The following TMEM131L variants were observed in gnomAD, a reference collection of about 807,000 sequenced individuals.
TMEM131L encodes the protein transmembrane protein 131-like.
Under a neutral mutation model 192.2 loss-of-function variants are expected in TMEM131L, and 54 were observed. The observed-to-expected ratio is 0.28, with a 90% confidence interval of 0.23 to 0.35. The LOEUF (loss-of-function observed/expected upper bound fraction) is 0.35. TMEM131L is among the 10% of genes least tolerant of loss of function. The pLI, the probability that TMEM131L is intolerant of heterozygous loss-of-function variation, is 1.00. For synonymous variants in TMEM131L, 701 were observed against 704.9 expected (o/e 0.99, Z 0.09); for missense variants, 1,888 against 1,972.9 (o/e 0.96, Z 0.82).
At chr4:153,482,105 A>T (rs1005956253) in intron 3 of TMEM131L, among the ~76,000 whole-genome samples, 1 of 152,270 alleles carries the variant, frequency 6.6e-6, no homozygotes, top group South Asian at 2.1e-4. Context: ...CGGCCTCCCA[A>T]AGTGCTGGGA....
At chr4:153,578,572 G>A (rs1286388653) in intron 7 of TMEM131L, among the ~76,000 whole-genome samples, 4 of 150,716 alleles carry the variant, frequency 2.7e-5, no homozygotes, top group Middle Eastern at 3.4e-3. Flanking sequence ...CCAGGCTGGA[G>A]TGCAGTGGCG....
intron 7 of TMEM131L, among the ~76,000 whole-genome samples, chr4:153,572,627 G>A (rs917618159): frequency 3.9e-5 from 6 of 152,106 alleles, no homozygotes; most frequent in African/African-American, 1.2e-4. Flanking sequence ...CACCGCACCC[G>A]GCCCAGTTTG....
At chr4:153,626,290 T>A in intron 30 of TMEM131L, 65 bp downstream of exon 30, 1 of 1,032,144 alleles carries the variant, frequency 9.7e-7, no homozygotes, top group Non-Finnish European at 1.5e-6. Flanking sequence ...CCAATTATTG[T>A]GTTTCTTCTT....
intron 26 of TMEM131L, among the ~76,000 whole-genome samples, chr4:153,619,362 G>A (rs1008385991): frequency 3.3e-4 from 50 of 152,206 alleles, no homozygotes; most frequent in African/African-American, 1.2e-3. Flanking sequence ...GTGCATGTCT[G>A]TTTAACATTA....
At position 153,623,083 on chromosome 4, in the gene TMEM131L, G is replaced by A. The variant is rs78974953; in HGVS notation, c.4045G>A (p.Gly1349Arg). The change falls in exon 29 of 35, where the codon GGA becomes AGA. Residue 1349 changes from glycine (G) to arginine (R), a missense_variant and splice_region_variant. Gly to Arg is a moderately radical substitution (Grantham distance 125, BLOSUM62 -2). Transcript: ENST00000409959. ...GGACGCCCAGCACTTCCTGCCGGCCGGTGAGTCCTGAGCAGAGCCCCAGGC... is the reference window on the plus strand; with the variant it reads ...GGACGCCCAGCACTTCCTGCCGGCCAGTGAGTCCTGAGCAGAGCCCCAGGC... ...MVDAQHFLPA[G>R]DSVSQNDFPS... 91 of 1,594,572 alleles carry A rather than the reference G, an allele frequency of 5.7e-5. No individual in the cohort carries two copies. In the East Asian group the frequency reaches 1.1e-3, roughly 20 times the overall value.
intron 26 of TMEM131L, among the ~76,000 whole-genome samples, chr4:153,614,234 G>A (rs1732818240): frequency 1.3e-5 from 2 of 152,208 alleles, no homozygotes; most frequent in Admixed American, 6.5e-5. Context: ...AGGGGTCAGA[G>A]TCCTCCTAGG....
chr4:153,620,482 G>A (rs758981043), intron 26 of TMEM131L, among the ~76,000 whole-genome samples: 24 of 152,232 alleles, frequency 1.6e-4, no homozygotes, highest in Non-Finnish European at 2.8e-4. Context: ...AAAGTTAACA[G>A]CAAGCTGGTC....
At chr4:153,557,851 A>G (rs1335156128) in intron 6 of TMEM131L, among the ~76,000 whole-genome samples, 1 of 152,142 alleles carries the variant, frequency 6.6e-6, no homozygotes, top group Non-Finnish European at 1.5e-5. Context: ...CCCAGGCTGG[A>G]GTGCAGTGGT....
intron 7 of TMEM131L, among the ~76,000 whole-genome samples, chr4:153,576,359 C>G (rs1192014670): frequency 6.6e-6 from 1 of 152,040 alleles, no homozygotes; most frequent in Non-Finnish European, 1.5e-5. Flanking sequence ...CTAGAACTCC[C>G]CCTTGTGGGA....
chr4:153,527,043 C>A (rs1407478142), intron 3 of TMEM131L, among the ~76,000 whole-genome samples: 1 of 152,048 alleles, frequency 6.6e-6, no homozygotes, highest in Non-Finnish European at 1.5e-5. Context: ...TTATTTAACC[C>A]TCCATGAAAG....
chr4:153,630,249 C>G (rs1409625401), intron 31 of TMEM131L, among the ~76,000 whole-genome samples: 1 of 152,222 alleles, frequency 6.6e-6, no homozygotes, highest in East Asian at 1.9e-4. Flanking sequence ...TGGAACCAAT[C>G]TGCTTTGTCT....
chr4:153,587,574 T>G (rs1363065113), intron 14 of TMEM131L, among the ~76,000 whole-genome samples, 168 bp from the exon 15 acceptor site: 1 of 152,192 alleles, frequency 6.6e-6, no homozygotes, highest in African/African-American at 2.4e-5. Context: ...GGAGAGACAG[T>G]TCAGATTTCT....
chr4:153,494,143 G>A (rs191098648), intron 3 of TMEM131L, among the ~76,000 whole-genome samples: 13 of 152,208 alleles, frequency 8.5e-5, no homozygotes, highest in African/African-American at 3.1e-4. Flanking sequence ...TACCTATCTC[G>A]TAAGGTAAGG....
intron 3 of TMEM131L, among the ~76,000 whole-genome samples, chr4:153,499,257 G>A (rs1000642699): frequency 2.0e-5 from 3 of 152,070 alleles, no homozygotes; most frequent in Non-Finnish European, 4.4e-5. Flanking sequence ...GCCTCCAGTC[G>A]CTGTAGCTCA....
At chr4:153,603,780 A>T (rs374658156) in intron 24 of TMEM131L, 22 bp from the exon 25 acceptor site, 1 of 1,557,228 alleles carries the variant, frequency 6.4e-7, no homozygotes, top group Non-Finnish European at 8.6e-7. Flanking sequence ...TCTATGCTAA[A>T]TGTTTTTCTT....
intron 7 of TMEM131L, among the ~76,000 whole-genome samples, chr4:153,566,929 C>T (rs1399280575): frequency 6.6e-6 from 1 of 152,234 alleles, no homozygotes; most frequent in East Asian, 1.9e-4. Context: ...TGGTGTCAAA[C>T]CCTCGTGCCC....
intron 4 of TMEM131L, among the ~76,000 whole-genome samples, chr4:153,551,839 A>G (rs1737650223): frequency 6.6e-6 from 1 of 152,210 alleles, no homozygotes; most frequent in African/African-American, 2.4e-5. Flanking sequence ...AGTTTAGTTG[A>G]TAATATAAAT....
chr4:153,556,122 G>T (rs1036904103), intron 5 of TMEM131L, among the ~76,000 whole-genome samples: 7 of 150,318 alleles, frequency 4.7e-5, no homozygotes, highest in African/African-American at 1.7e-4. Context: ...GGGCCGGGGG[G>T]AGGTGGGGGG....
At chr4:153,581,908 C>G (rs1730365347) in intron 9 of TMEM131L, among the ~76,000 whole-genome samples, 1 of 152,214 alleles carries the variant, frequency 6.6e-6, no homozygotes, top group Non-Finnish European at 1.5e-5. Flanking sequence ...TGCCTAAGCT[C>G]ATTTAACCAC....
Sources: gnomAD v4.1 joint callset for allele counts (sites outside exome capture counted in the v4.1 genomes callset) on GRCh38, gnomAD v4.1.1 for gene constraint, MANE v1.5 for transcripts, NCBI Gene and HGNC (gene_info 2026-07-23, HGNC 2026-07-21) for gene names.